WDFY4: variants seen among roughly 807,000 people sequenced by gnomAD.
The protein encoded by WDFY4 is WD repeat- and FYVE domain-containing protein 4.
In WDFY4, 169 loss-of-function variants were observed where a neutral mutation model predicts 351.9. The ratio of observed to expected loss-of-function variants is 0.48; its 90% confidence interval spans 0.42 to 0.55. The LOEUF (loss-of-function observed/expected upper bound fraction) is 0.55. WDFY4 is among the 20% of genes least tolerant of loss of function. The pLI is 0.00. For missense variants in WDFY4, 3,803 were observed against 3,935.6 expected, an observed-to-expected ratio of 0.97 and a Z score of 0.90; for synonymous variants, 1,622 against 1,574.6, an observed-to-expected ratio of 1.03 and a Z score of -0.71.
chr10:48,970,043 A>G, intron 56 of WDFY4, 88 bp from the exon 57 acceptor site: 1 of 1,452,596 alleles, frequency 6.9e-7, no homozygotes. Flanking sequence ...CAAGGCACTC[A>G]GACTGGCCCA....
intron 10 of WDFY4, among the ~76,000 whole-genome samples, chr10:48,735,429 G>A (rs1357661256): frequency 6.6e-6 from 1 of 152,186 alleles, no homozygotes; most frequent in East Asian, 1.9e-4. Flanking sequence ...CTCTGGGGAA[G>A]AAATTATGGG....
chr10:48,774,617 C>T lies in WDFY4; in HGVS notation c.2713C>T (p.Leu905Phe), dbSNP rs1012959911. 6.4e-7 allele frequency: 1 copy of T among 1,551,642 alleles called. No individual in the cohort carries two copies. The highest frequency in any genetic ancestry group is 1.4e-5 in the African/African-American group (1 of 73,072). Residue 905 changes from leucine (L) to phenylalanine (F), a missense_variant, in exon 14 of 62, where the codon CTC becomes TTC. Transcript: ENST00000325239. ...VTSGSPLHSRLIRIFEKLASQ... is the reference protein window; with the variant it reads ...VTSGSPLHSRFIRIFEKLASQ... Reference sequence around the variant, plus strand: ...CAGTGGCAGCCCCCTCCACTCACGCCTCATCAGGATCTTTGAGAAGCTCGC... The same window carrying T: ...CAGTGGCAGCCCCCTCCACTCACGCTTCATCAGGATCTTTGAGAAGCTCGC...
chr10:48,808,977 T>A (rs2067349184), intron 28 of WDFY4, among the ~76,000 whole-genome samples: 1 of 152,244 alleles, frequency 6.6e-6, no homozygotes, highest in Non-Finnish European at 1.5e-5. Context: ...TTACTTTTAA[T>A]GCCAAAAACT....
At chr10:48,723,356 G>A (rs2064154900) in intron 4 of WDFY4, 77 bp from the exon 5 acceptor site, 1 of 1,499,536 alleles carries the variant, frequency 6.7e-7, no homozygotes, top group Non-Finnish European at 8.9e-7. Context: ...AATGGCTGCA[G>A]GGGCCTGATC....
chr10:48,895,712 TG>T (rs1400209688), intron 44 of WDFY4, among the ~76,000 whole-genome samples: 8 of 152,282 alleles, frequency 5.3e-5, no homozygotes, highest in African/African-American at 1.9e-4. Context: ...TTGTTCTCTT[TG>T]GGAATAAATA....
At chr10:48,760,545 C>A in intron 13 of WDFY4, 105 bp downstream of exon 13, 11 of 1,136,938 alleles carry the variant, frequency 9.7e-6, no homozygotes, top group Non-Finnish European at 1.4e-5. Flanking sequence ...GTCTTCAGTG[C>A]CCTGCGTTAG....
At chr10:48,793,186 T>G (rs1431877449) in intron 23 of WDFY4, among the ~76,000 whole-genome samples, 1 of 152,168 alleles carries the variant, frequency 6.6e-6, no homozygotes, top group Non-Finnish European at 1.5e-5. Context: ...GTGAACAAGG[T>G]GGGTTTAGTC....
intron 39 of WDFY4, among the ~76,000 whole-genome samples, chr10:48,839,606 CA>C (rs2068526540): frequency 6.6e-6 from 1 of 152,144 alleles, no homozygotes; most frequent in African/African-American, 2.4e-5. Flanking sequence ...CTTGTATCCA[CA>C]GATCAAGAGA....
At chr10:48,768,722 GAAGAGAGAGA>G (rs2065759241) in intron 13 of WDFY4, among the ~76,000 whole-genome samples, 1 of 91,412 alleles carries the variant, frequency 1.1e-5, no homozygotes, top group Non-Finnish European at 2.2e-5. Flanking sequence ...TGGGAGAGGA[GAAGAGAGAGA>G]GAGAGAGAGA....
intron 13 of WDFY4, among the ~76,000 whole-genome samples, chr10:48,763,144 C>T (rs1419683868): frequency 6.6e-6 from 1 of 152,216 alleles, no homozygotes; most frequent in Non-Finnish European, 1.5e-5. Context: ...GACTATTACA[C>T]ATTAGACATC....
chr10:48,809,089 G>C (rs2067352452), intron 28 of WDFY4, among the ~76,000 whole-genome samples: 1 of 152,112 alleles, frequency 6.6e-6, no homozygotes, highest in African/African-American at 2.4e-5. Flanking sequence ...CTGGAATACT[G>C]TAAATTCTCT....
At chr10:48,980,811 C>T (rs1256975103) in intron 60 of WDFY4, among the ~76,000 whole-genome samples, 3 of 152,274 alleles carry the variant, frequency 2.0e-5, no homozygotes, top group Non-Finnish European at 2.9e-5. Context: ...CCATCTCACC[C>T]TTCACATTGA....
intron 33 of WDFY4, 150 bp downstream of exon 33, chr10:48,820,587 A>G (rs2067788956): frequency 4.7e-6 from 4 of 854,034 alleles, no homozygotes; most frequent in Non-Finnish European, 7.2e-6. Flanking sequence ...CAAAAAAGCA[A>G]CAGGTGATAG....
intron 51 of WDFY4, among the ~76,000 whole-genome samples, chr10:48,954,105 A>T (rs1841473858): frequency 6.6e-6 from 1 of 152,242 alleles, no homozygotes. Flanking sequence ...AGCAATATTT[A>T]GCACCTCCTA....
chr10:48,937,790 G>A (rs1840481760), intron 47 of WDFY4, among the ~76,000 whole-genome samples: 1 of 152,160 alleles, frequency 6.6e-6, no homozygotes, highest in Non-Finnish European at 1.5e-5. Context: ...TCTCTACATG[G>A]ATTTCTAATG....
At chr10:48,903,159 G>T (rs1319838483) in intron 47 of WDFY4, among the ~76,000 whole-genome samples, 1 of 152,182 alleles carries the variant, frequency 6.6e-6, no homozygotes, top group Non-Finnish European at 1.5e-5. Flanking sequence ...TAAAGAGTGT[G>T]TCAGACCCAG....
chr10:48,968,187 C>T (rs949810058), intron 55 of WDFY4: 1 of 152,282 alleles, frequency 6.6e-6, no homozygotes, highest in Non-Finnish European at 1.5e-5. Flanking sequence ...TGCCCTCAGG[C>T]TTGTGACAGT....
intron 12 of WDFY4, among the ~76,000 whole-genome samples, chr10:48,759,264 G>A (rs1490908386): frequency 6.6e-6 from 1 of 152,122 alleles, no homozygotes; most frequent in East Asian, 1.9e-4. Context: ...CAGCCCAGAG[G>A]TTAATATACA....
intron 9 of WDFY4, among the ~76,000 whole-genome samples, chr10:48,733,197 T>G (rs2064528022): frequency 6.6e-6 from 1 of 152,222 alleles, no homozygotes; most frequent in African/African-American, 2.4e-5. Flanking sequence ...AAATTAAACT[T>G]TTTTGTGAGC....
Sources: allele counts gnomAD v4.1 joint callset (sites outside exome capture counted in the v4.1 genomes callset), GRCh38; gene constraint gnomAD v4.1.1; transcripts MANE v1.5; gene names NCBI Gene and HGNC (gene_info 2026-07-23, HGNC 2026-07-21).